The following EMC9 variants were observed in gnomAD, a reference collection of about 807,000 sequenced individuals.
The protein encoded by EMC9 is UPF0172 protein FAM158A.
In EMC9, 20 loss-of-function variants were observed where a neutral mutation model predicts 25.0. That is an observed-to-expected ratio of 0.80 (90% CI 0.56 to 1.16). EMC9 has a LOEUF of 1.16. EMC9 is among the 50% of genes most tolerant of loss of function. The probability of loss-of-function intolerance (pLI) is 0.00; values close to 1 mark genes in which losing one functional copy is unlikely to be tolerated. For missense variants in EMC9, 256 were observed against 268.7 expected (o/e 0.95, Z 0.33); for synonymous variants, 100 against 107.0 (o/e 0.93, Z 0.40).
chr14:24,139,698 GGT>G lies in EMC9; in HGVS notation c.276-86_276-85del. The G allele has an allele frequency of 6.4e-7, 1 of 1,563,184 alleles. No individual in the cohort carries two copies. The highest frequency in any genetic ancestry group is 1.2e-5 in the South Asian group (1 of 84,840). On this transcript the variant is annotated intron_variant, in intron 3 of 5. Transcript: ENST00000216799. The surrounding 1 kb of genome is among the most constrained non-coding windows in gnomAD (Gnocchi z 4.6). ...TGAGCTGGGCCTCCCAGGTCTCATA[GGT>G]GTGGGCGCAGCTGTGGCCTTTCCCT...
rs556335154 is a variant in EMC9, at chr14:24,139,298, G to A, written c.440+62C>T. On this transcript the variant is annotated intron_variant, in intron 5 of 5. Transcript: ENST00000216799. This position sits in a 1 kb window ranked among gnomAD's most constrained non-coding sequence, Gnocchi z 4.6. Reference sequence around the variant, plus strand: ...AGAAAGACCCTTGGGGCAGGGCCAAGGACAGAGGAGACCCAGGAGCCTTGG... The same window carrying A: ...AGAAAGACCCTTGGGGCAGGGCCAAAGACAGAGGAGACCCAGGAGCCTTGG... The A allele has an allele frequency of 6.2e-7, 1 of 1,603,950 alleles. No homozygotes were observed. Among genetic ancestry groups the A allele is most frequent in the Non-Finnish European group, 8.5e-7 (1 of 1,173,110 alleles).
chr14:24,139,762 T>G lies in EMC9; in HGVS notation c.276-148A>C. 6.5e-7 allele frequency: 1 copy of G among 1,545,300 alleles called. No individual in the cohort carries two copies. The highest frequency in any genetic ancestry group is 8.7e-7 in the Non-Finnish European group (1 of 1,143,748). On this transcript the variant is annotated intron_variant, in intron 3 of 5. Transcript: ENST00000216799. The surrounding 1 kb of genome is among the most constrained non-coding windows in gnomAD (Gnocchi z 4.6). ...GCGGGGATCGGGCCTGCTGGATGCT[T>G]GATGCACGACTGCTTGATGCTTGAG...
At position 24,139,028 on chromosome 14, in the gene EMC9, A is replaced by G; in HGVS notation, c.609T>C (p.Asn203=). Residue 203 remains asparagine (N), a synonymous_variant, in exon 6 of 6, where the codon AAT becomes AAC. Transcript: ENST00000216799. The surrounding 1 kb of genome is among the most constrained non-coding windows in gnomAD (Gnocchi z 4.6). ...CCCTGGCTCAGGCATTTCCATTTCC[A>G]TTAGTGGGACCAACCCACTGGGTGA... ...TQITQWVGPT[N]GNGNA is the part of the protein sequence containing the mutation. The G allele has an allele frequency of 6.2e-7, 1 of 1,613,424 alleles. No individual in the cohort carries two copies. Among genetic ancestry groups the G allele is most frequent in the Non-Finnish European group, 8.5e-7 (1 of 1,180,018 alleles).
intron 3 of EMC9, 83 bp downstream of exon 3, chr14:24,140,806 C>T (rs2038037837): frequency 1.4e-6 from 2 of 1,411,774 alleles, no homozygotes; most frequent in African/African-American, 1.4e-5. Flanking sequence ...CCCCGCCCAC[C>T]GCCCCACGCA....
Position 24,139,850 on chromosome 14 carries a change from G to T in EMC9, c.276-236C>A. The T allele has an allele frequency of 7.6e-7, 1 of 1,307,954 alleles. No homozygotes were observed. The highest frequency in any genetic ancestry group is 1.1e-6 in the Non-Finnish European group (1 of 945,644). 81.0% of individuals were successfully genotyped at this position (1,307,954 alleles called of 1,614,324 possible). On this transcript the variant is annotated intron_variant, in intron 3 of 5. Coordinates refer to ENST00000216799, the MANE Select transcript of EMC9 (RefSeq NM_016049.4). The surrounding 1 kb of genome is among the most constrained non-coding windows in gnomAD (Gnocchi z 4.6). ...AGTGGAAACCAAAGGTGGTCTTTTT[G>T]GAAGGTAATTTGGCATAACCATCCA... is the stretch of plus-strand genomic sequence containing the variant.
At position 24,141,488 on chromosome 14, in the gene EMC9, C is replaced by T; in HGVS notation, c.-63G>A. ...GACTCGCAGGTAGCCCGCCGGCTCC[C>T]GGCGCCCTGGGTCCCGGAGTCCGCC... is the stretch of plus-strand genomic sequence containing the variant. On this transcript the variant is annotated 5_prime_UTR_variant, in exon 1 of 6. Coordinates refer to ENST00000216799, the MANE Select transcript of EMC9 (RefSeq NM_016049.4). The T allele has an allele frequency of 1.5e-6, 1 of 679,552 alleles. No individual in the cohort carries two copies. Among genetic ancestry groups the T allele is most frequent in the Non-Finnish European group, 2.5e-6 (1 of 400,650 alleles). 42.1% of individuals were successfully genotyped at this position (679,552 alleles called of 1,614,324 possible). A position where few individuals can be genotyped will look rare whatever the true frequency, so the allele number is the denominator to read the frequency against.
chr14:24,141,141 G>C lies in EMC9; in HGVS notation c.164C>G (p.Ala55Gly). Reference sequence around the variant, plus strand: ...GGCGACCTCCAACATGACGGACAGGGCCAGGTGGCTGTGGAAGAGGGGCAC... The same window carrying C: ...GGCGACCTCCAACATGACGGACAGGCCCAGGTGGCTGTGGAAGAGGGGCAC... Reference protein sequence around the residue: ...DCVPLFHSHLALSVMLEVALN... With the variant: ...DCVPLFHSHLGLSVMLEVALN... The change falls in exon 2 of 6, where the codon GCC becomes GGC. Residue 55 changes from alanine to glycine, a missense_variant. Physicochemically the swap from Ala to Gly is moderately conservative, Grantham distance 60. Transcript: ENST00000216799. 1.2e-6 allele frequency: 2 copies of C among 1,614,088 alleles called. No homozygotes were observed. Among genetic ancestry groups the C allele is most frequent in the Non-Finnish European group, 1.7e-6 (2 of 1,180,044 alleles).
Position 24,139,947 on chromosome 14 carries a change from T to A in EMC9, c.276-333A>T, listed in dbSNP as rs948004280. 9 of 460,910 alleles carry A rather than the reference T, an allele frequency of 2.0e-5. No individual in the cohort carries two copies. The highest frequency in any genetic ancestry group is 4.9e-4 in the Middle Eastern group (1 of 2,060). The allele number at this position is 460,910 out of a possible 1,614,324, so 28.6% of individuals were successfully genotyped here. On this transcript the variant is annotated intron_variant, in intron 3 of 5. Transcript: ENST00000216799. This position sits in a 1 kb window ranked among gnomAD's most constrained non-coding sequence, Gnocchi z 4.6. ...ACTTATAAAGAATTTATGGTAATCATAGGACAGTGTCTGTAATAAAACACT... is the reference window on the plus strand; with the variant it reads ...ACTTATAAAGAATTTATGGTAATCAAAGGACAGTGTCTGTAATAAAACACT...
In EMC9 at chr14:24,139,357, C is replaced by T; in HGVS notation, c.440+3G>A. On this transcript the variant is annotated splice_donor_region_variant and intron_variant, in intron 5 of 5. Coordinates refer to ENST00000216799, the MANE Select transcript of EMC9 (RefSeq NM_016049.4). This position sits in a 1 kb window ranked among gnomAD's most constrained non-coding sequence, Gnocchi z 4.6. Reference sequence around the variant, plus strand: ...GAAGAGGTAGAGGGAGTGGGGTACTCACAAGTTCTTATCCTTAGGGACCCA... The same window carrying T: ...GAAGAGGTAGAGGGAGTGGGGTACTTACAAGTTCTTATCCTTAGGGACCCA... 2 of 1,613,932 alleles carry T rather than the reference C, an allele frequency of 1.2e-6. No homozygotes were observed. Among genetic ancestry groups the T allele is most frequent in the Non-Finnish European group, 1.7e-6 (2 of 1,179,906 alleles).
chr14:24,139,480 A>G lies in EMC9; in HGVS notation c.346-26T>C. On this transcript the variant is annotated intron_variant, in intron 4 of 5. Coordinates refer to ENST00000216799, the MANE Select transcript of EMC9 (RefSeq NM_016049.4). This position sits in a 1 kb window ranked among gnomAD's most constrained non-coding sequence, Gnocchi z 4.6. ...CTGAGTGGACAAAGATGGGCAAGTG[A>G]GAGTTTCAAGGGTCCCCCCACCCTA... 3.7e-6 allele frequency: 6 copies of G among 1,613,846 alleles called. No individual in the cohort carries two copies. The highest frequency in any genetic ancestry group is 5.1e-6 in the Non-Finnish European group (6 of 1,179,822).
chr14:24,141,185 G>A lies in EMC9; in HGVS notation c.120C>T (p.Cys40=), dbSNP rs1444371740. Residue 40 remains cysteine, a synonymous_variant, in exon 2 of 6, where the codon TGC becomes TGT. Coordinates refer to ENST00000216799, the MANE Select transcript of EMC9 (RefSeq NM_016049.4). Reference sequence around the variant, plus strand: ...GGGGCACACAGTCGGTGAGGCACAGGCATTCTCCAGACCGCGGCGCTGGCG... The same window carrying A: ...GGGGCACACAGTCGGTGAGGCACAGACATTCTCCAGACCGCGGCGCTGGCG... ...FLAPAPRSGE[C]LCLTDCVPLF... The A allele has an allele frequency of 6.2e-7, 1 of 1,614,014 alleles. No individual in the cohort carries two copies. The highest frequency in any genetic ancestry group is 2.2e-5 in the East Asian group (1 of 44,894).
At position 24,141,163 on chromosome 14, in the gene EMC9, G is replaced by GC; in HGVS notation, c.141dup (p.Pro48AlafsTer63). On this transcript the variant is annotated frameshift_variant, in exon 2 of 6. Transcript: ENST00000216799. LOFTEE classifies it high-confidence loss of function. Reference sequence around the variant, plus strand: ...AGGGCCAGGTGGCTGTGGAAGAGGGGCACACAGTCGGTGAGGCACAGGCAT... The same window carrying GC: ...AGGGCCAGGTGGCTGTGGAAGAGGGGCCACACAGTCGGTGAGGCACAGGCAT... The GC allele has an allele frequency of 6.2e-7, 1 of 1,614,106 alleles. No individual in the cohort carries two copies. Among genetic ancestry groups the GC allele is most frequent in the Non-Finnish European group, 8.5e-7 (1 of 1,180,054 alleles).
In EMC9 at chr14:24,139,712, T is replaced by A; in HGVS notation, c.276-98A>T. ...CAGGTCTCATAGGTGTGGGCGCAGC[T>A]GTGGCCTTTCCCTGTAGGTGGCCTG... is the stretch of plus-strand genomic sequence containing the variant. On this transcript the variant is annotated intron_variant, in intron 3 of 5. Transcript: ENST00000216799. The surrounding 1 kb of genome is among the most constrained non-coding windows in gnomAD (Gnocchi z 4.6). The A allele has an allele frequency of 6.4e-7, 1 of 1,554,308 alleles. No individual in the cohort carries two copies. The highest frequency in any genetic ancestry group is 2.4e-5 in the East Asian group (1 of 41,182).
At chr14:24,140,385 G>A (rs1594362729) in intron 3 of EMC9, 1 of 151,372 alleles carries the variant, frequency 6.6e-6, no homozygotes, top group East Asian at 1.9e-4. Context: ...TGGCCAACAT[G>A]GCGAAACCCC....
Position 24,139,820 on chromosome 14 carries a change from G to A in EMC9, c.276-206C>T, listed in dbSNP as rs1373577917. 1 of 1,492,710 alleles carries A rather than the reference G, an allele frequency of 6.7e-7. No individual in the cohort carries two copies. Among genetic ancestry groups the A allele is most frequent in the African/African-American group, 1.4e-5 (1 of 71,976 alleles). 92.5% of individuals were successfully genotyped at this position (1,492,710 alleles called of 1,614,324 possible). On this transcript the variant is annotated intron_variant, in intron 3 of 5. Coordinates refer to ENST00000216799, the MANE Select transcript of EMC9 (RefSeq NM_016049.4). The surrounding 1 kb of genome is among the most constrained non-coding windows in gnomAD (Gnocchi z 4.6). ...GGAGACAGGTGCTCAGATATTGCTG[G>A]TGAGAGTGGAAACCAAAGGTGGTCT...
intron 3 of EMC9, 83 bp downstream of exon 3, chr14:24,140,806 C>A: frequency 7.1e-7 from 1 of 1,411,896 alleles, no homozygotes. Context: ...CCCCGCCCAC[C>A]GCCCCACGCA....
chr14:24,140,454 C>T (rs2038026930), intron 3 of EMC9: 1 of 153,612 alleles, frequency 6.5e-6, no homozygotes, highest in Non-Finnish European at 1.4e-5. Context: ...ATTAGCCGGG[C>T]ATGGTGGCGC....
In EMC9 at chr14:24,139,508, T is replaced by C. The variant is rs1566604592; in HGVS notation, c.345+37A>G. On this transcript the variant is annotated intron_variant, in intron 4 of 5. Coordinates refer to ENST00000216799, the MANE Select transcript of EMC9 (RefSeq NM_016049.4). This position sits in a 1 kb window ranked among gnomAD's most constrained non-coding sequence, Gnocchi z 4.6. ...GTTTCAAGGGTCCCCCCACCCTACT[T>C]GCTTTTCACCTCCCCACCCAGAAAC... 1 of 1,613,026 alleles carries C rather than the reference T, an allele frequency of 6.2e-7. No individual in the cohort carries two copies. The highest frequency in any genetic ancestry group is 8.5e-7 in the Non-Finnish European group (1 of 1,179,314).
In EMC9 at chr14:24,139,407, G is replaced by A. The variant is rs755218563; in HGVS notation, c.393C>T (p.Ile131=). The A allele has an allele frequency of 1.4e-5, 22 of 1,614,184 alleles. No homozygotes were observed. The highest frequency in any genetic ancestry group is 2.7e-5 in the African/African-American group (2 of 75,042). ...LVPQPRVPPV[I]VLENQGLRWV... ...AGCGGAGACCTTGGTTCTCCAGGAC[G>A]ATGACCGGGGGCACACGAGGCTGAG... The change falls in exon 5 of 6, where the codon ATC becomes ATT. Residue 131 remains isoleucine (I), a synonymous_variant. Coordinates refer to ENST00000216799, the MANE Select transcript of EMC9 (RefSeq NM_016049.4). The surrounding 1 kb of genome is among the most constrained non-coding windows in gnomAD (Gnocchi z 4.6).
Sources: gnomAD v4.1 joint callset for allele counts on GRCh38, gnomAD v4.1.1 for gene constraint, Gnocchi (gnomAD v3.1) non-coding constraint, MANE v1.5 for transcripts, NCBI Gene and HGNC (gene_info 2026-07-23, HGNC 2026-07-21) for gene names.